Variants in ATP8A2 observed in about 807,000 individuals in gnomAD.
The protein encoded by ATP8A2 is phospholipid-transporting ATPase IB.
Under a neutral mutation model 165.6 loss-of-function variants are expected in ATP8A2, and 100 were observed. That is an observed-to-expected ratio of 0.60 (90% confidence interval 0.51 to 0.71). The LOEUF (loss-of-function observed/expected upper bound fraction) is 0.71, where lower values mean the gene tolerates loss of function less well. ATP8A2 is among the 30% of genes least tolerant of loss of function. ATP8A2 has a pLI of 0.00. For missense variants in ATP8A2, 1,227 were observed against 1,479.5 expected (o/e 0.83, Z 2.80); for synonymous variants, 543 against 548.8 (o/e 0.99, Z 0.15).
At chr13:25,593,107 C>T (rs1400843805) in intron 24 of ATP8A2, among the ~76,000 whole-genome samples, 1 of 152,042 alleles carries the variant, frequency 6.6e-6, no homozygotes, top group Non-Finnish European at 1.5e-5. Flanking sequence ...TTATTAAAAT[C>T]GTATTTGGTG....
At chr13:25,513,692 C>T (rs377564946) in intron 2 of ATP8A2, among the ~76,000 whole-genome samples, 8,974 of 152,022 alleles carry the variant, frequency 0.059, 336 homozygotes, top group South Asian at 0.13. Flanking sequence ...AACCAGACTC[C>T]GTCTGCAATC....
At chr13:25,484,100 G>T (rs1362994597) in intron 2 of ATP8A2, among the ~76,000 whole-genome samples, 1 of 152,198 alleles carries the variant, frequency 6.6e-6, no homozygotes, top group African/African-American at 2.4e-5. Context: ...AGCATAAGAT[G>T]AGTCTAAAAT....
chr13:25,977,204 G>GA (rs1009548796), intron 35 of ATP8A2, among the ~76,000 whole-genome samples: 55 of 151,912 alleles, frequency 3.6e-4, no homozygotes, highest in African/African-American at 1.3e-3. Flanking sequence ...TATGGTCTAT[G>GA]AAAAAATTAA....
At chr13:25,503,608 G>A (rs2036926996) in intron 2 of ATP8A2, among the ~76,000 whole-genome samples, 1 of 152,196 alleles carries the variant, frequency 6.6e-6, no homozygotes, top group South Asian at 2.1e-4. Context: ...CTTGGAAGGA[G>A]TAAGATGTTG....
intron 25 of ATP8A2, among the ~76,000 whole-genome samples, chr13:25,730,021 T>C (rs991306424): frequency 2.6e-5 from 4 of 152,146 alleles, no homozygotes; most frequent in Admixed American, 1.3e-4. Context: ...CCTGGCGCAG[T>C]TGTGCATGCC....
intron 30 of ATP8A2, among the ~76,000 whole-genome samples, chr13:25,853,885 A>G (rs1236138508): frequency 6.6e-6 from 1 of 152,220 alleles, no homozygotes; most frequent in Non-Finnish European, 1.5e-5. Flanking sequence ...AGAGTTCCCT[A>G]TCTGATAGGA....
At chr13:25,864,718 AT>A (rs1167712780) in intron 33 of ATP8A2, among the ~76,000 whole-genome samples, 1 of 152,228 alleles carries the variant, frequency 6.6e-6, no homozygotes, top group Non-Finnish European at 1.5e-5. Flanking sequence ...TGTGAAATAG[AT>A]GATAGCTGGG....
rs1196328004 is a variant in ATP8A2 at position 26,025,358 on chromosome 13, G to A, written c.*5373G>A. ...CCTCTCAAGGGCCACGCAGGCAGCT[G>A]CAGCAGGGCCAGCTGCAGGATGGGG... On this transcript the variant is annotated 3_prime_UTR_variant, in exon 37 of 37. Coordinates refer to ENST00000381655, the MANE Select transcript of ATP8A2 (RefSeq NM_016529.6). 1 of 152,256 alleles carries A rather than the reference G, an allele frequency of 6.6e-6. No individual in the cohort carries two copies. Among genetic ancestry groups the A allele is most frequent in the Non-Finnish European group, 1.5e-5 (1 of 68,078 alleles). 9.4% of individuals were successfully genotyped at this position (152,256 alleles called of 1,614,324 possible). A position where few individuals can be genotyped will look rare whatever the true frequency, so the allele number is the denominator to read the frequency against.
chr13:25,447,661 G>C (rs893982097), intron 1 of ATP8A2, among the ~76,000 whole-genome samples: 4 of 152,196 alleles, frequency 2.6e-5, no homozygotes, highest in African/African-American at 9.7e-5. Context: ...GTCCACAGAT[G>C]GCTAAGTGTT....
intron 6 of ATP8A2, 152 bp downstream of exon 6, chr13:25,533,465 G>A: frequency 2.0e-6 from 1 of 494,682 alleles, no homozygotes; most frequent in Non-Finnish European, 3.6e-6. Context: ...TCCTTCCCTT[G>A]CACCTTCTAG....
chr13:25,734,584 C>G (rs1478903433), intron 25 of ATP8A2, among the ~76,000 whole-genome samples: 2 of 152,144 alleles, frequency 1.3e-5, no homozygotes, highest in Non-Finnish European at 2.9e-5. Context: ...CTTTAGGGAG[C>G]AACAGCCTAG....
chr13:25,790,710 T>A (rs1054367478), intron 27 of ATP8A2, among the ~76,000 whole-genome samples: 70 of 142,818 alleles, frequency 4.9e-4, no homozygotes, highest in Admixed American at 1.3e-3. Context: ...AAAAAAAAAA[T>A]AAGCAAAGAA....
At chr13:25,715,852 A>G (rs1005053141) in intron 25 of ATP8A2, among the ~76,000 whole-genome samples, 3 of 152,120 alleles carry the variant, frequency 2.0e-5, no homozygotes, top group East Asian at 1.9e-4. Flanking sequence ...TGGTCACTCT[A>G]TGGTTAACCT....
chr13:25,875,651 A>T (rs1336388752), intron 33 of ATP8A2, among the ~76,000 whole-genome samples: 1 of 149,774 alleles, frequency 6.7e-6, no homozygotes, highest in Non-Finnish European at 1.5e-5. Context: ...CAAACCATAT[A>T]TTTTTTTCAC....
At chr13:25,425,682 C>T (rs2034429250) in intron 1 of ATP8A2, among the ~76,000 whole-genome samples, 1 of 152,070 alleles carries the variant, frequency 6.6e-6, no homozygotes. Context: ...TCACACCATT[C>T]TCCTGCCTCA....
chr13:25,673,574 A>G (rs1418708395), intron 24 of ATP8A2, among the ~76,000 whole-genome samples: 1 of 152,214 alleles, frequency 6.6e-6, no homozygotes, highest in East Asian at 1.9e-4. Context: ...TGTTTTACAA[A>G]TTGGCATTTA....
intron 29 of ATP8A2, among the ~76,000 whole-genome samples, chr13:25,838,468 C>A (rs182908251): frequency 6.6e-6 from 1 of 152,218 alleles, no homozygotes; most frequent in Admixed American, 6.5e-5. Flanking sequence ...TACATAAATC[C>A]ATTTTCTACA....
At chr13:25,822,790 C>T (rs753190158) in intron 27 of ATP8A2, among the ~76,000 whole-genome samples, 1 of 152,128 alleles carries the variant, frequency 6.6e-6, no homozygotes, top group Non-Finnish European at 1.5e-5. Context: ...TAATGTCTTA[C>T]AGGAGTCATG....
intron 25 of ATP8A2, among the ~76,000 whole-genome samples, chr13:25,762,525 T>C (rs1486864800): frequency 6.6e-6 from 1 of 152,200 alleles, no homozygotes; most frequent in East Asian, 1.9e-4. Flanking sequence ...CTTTCAGAAT[T>C]GCACACTAAT....
Sources: allele counts gnomAD v4.1 joint callset (sites outside exome capture counted in the v4.1 genomes callset), GRCh38; gene constraint gnomAD v4.1.1; transcripts MANE v1.5; gene names NCBI Gene and HGNC (gene_info 2026-07-23, HGNC 2026-07-21).